The following NUP205 variants were observed in gnomAD, a reference collection of about 807,000 sequenced individuals.
NUP205 encodes the protein nuclear pore complex protein Nup205.
NUP205 carries 76 observed loss-of-function variants against 253.8 expected under a neutral mutation model. The observed-to-expected ratio is 0.30, with a 90% CI of 0.25 to 0.36. The LOEUF (loss-of-function observed/expected upper bound fraction) is 0.36, where lower values mean the gene tolerates loss of function less well. NUP205 is among the 10% of genes least tolerant of loss of function. The pLI is 1.00. For missense variants in NUP205, 2,162 were observed against 2,425.5 expected (o/e 0.89, Z 2.28); for synonymous variants, 832 against 850.1 (o/e 0.98, Z 0.37).
intron 12 of NUP205, 96 bp from the exon 13 acceptor site, chr7:135,594,451 A>G (rs1266622978): frequency 1.1e-6 from 1 of 888,344 alleles, no homozygotes; most frequent in Non-Finnish European, 1.7e-6. Flanking sequence ...TAAGCCCATG[A>G]GGACTCAGTA....
chr7:135,632,665 C>G (rs1424212501), intron 35 of NUP205, among the ~76,000 whole-genome samples: 1 of 151,914 alleles, frequency 6.6e-6, no homozygotes, highest in Non-Finnish European at 1.5e-5. Context: ...TTCCACCCAG[C>G]CTGTGGTGTG....
At chr7:135,648,211 T>G (rs920726738) in intron 42 of NUP205, among the ~76,000 whole-genome samples, 193 bp from the exon 43 acceptor site, 1 of 152,180 alleles carries the variant, frequency 6.6e-6, no homozygotes, top group Non-Finnish European at 1.5e-5. Context: ...AACATGAGAA[T>G]TAAACCAAAA....
chr7:135,646,175 A>G lies in NUP205; in HGVS notation c.5830A>G (p.Thr1944Ala). 6.2e-7 allele frequency: 1 copy of G among 1,613,590 alleles called. No homozygotes were observed. Among genetic ancestry groups the G allele is most frequent in the Non-Finnish European group, 8.5e-7 (1 of 1,179,512 alleles). The change falls in exon 42 of 43, where the codon ACC becomes GCC. Residue 1944 changes from threonine (T) to alanine (A), a missense_variant. By Grantham distance (58) the Thr-to-Ala change is moderately conservative (BLOSUM62 0). This residue lies in a region of NUP205 where 1,144 missense variants were observed against 1,280.9 expected (regional missense o/e 0.89). Coordinates refer to ENST00000285968, the MANE Select transcript of NUP205 (RefSeq NM_015135.3). ...ATCTCTAGATTCCTTCGCCTCAGAAACCAATCTAGATTTTAGAAGTGGGCT... is the reference window on the plus strand; with the variant it reads ...ATCTCTAGATTCCTTCGCCTCAGAAGCCAATCTAGATTTTAGAAGTGGGCT... The part of the protein sequence containing the change: ...RRLQDSFASE[T>A]NLDFRSGLAI...
At chr7:135,628,165 A>C in intron 34 of NUP205, 54 bp downstream of exon 34, 1 of 1,550,876 alleles carries the variant, frequency 6.4e-7, no homozygotes, top group Non-Finnish European at 8.8e-7. Flanking sequence ...TCATTTTACA[A>C]GTACAGAAAC....
At position 135,574,830 on chromosome 7, in the gene NUP205, T is replaced by C. The variant is rs186210984; in HGVS notation, c.343+1005T>C. ...TATAAGCAGTTTGTTTTAATTATAA[T>C]GGAGGAGCCATTTGAAGAAAATATG... On this transcript the variant is annotated intron_variant, in intron 3 of 42. Coordinates refer to ENST00000285968, the MANE Select transcript of NUP205 (RefSeq NM_015135.3). Among the ~76,000 whole-genome samples the C allele has an allele frequency of 1.4e-4, 22 of 152,326 alleles. No homozygotes were observed. The East Asian group carries it at 4.0e-3, about 28-fold the overall frequency.
intron 9 of NUP205, 61 bp downstream of exon 9, chr7:135,587,752 C>G: frequency 6.5e-7 from 1 of 1,531,322 alleles, no homozygotes; most frequent in Non-Finnish European, 8.8e-7. Context: ...TTTCCCCTAA[C>G]TTTGGAAAAT....
At chr7:135,639,448 G>C (rs1025121402) in intron 38 of NUP205, among the ~76,000 whole-genome samples, 1 of 152,162 alleles carries the variant, frequency 6.6e-6, no homozygotes, top group African/African-American at 2.4e-5. Flanking sequence ...CTAGCACTTT[G>C]AGAGGCCGAG....
chr7:135,558,263 C>A, intron 1 of NUP205: 1 of 455,182 alleles, frequency 2.2e-6, no homozygotes, highest in South Asian at 2.5e-5. Context: ...CCCTCACCCC[C>A]AAGTTTCACT....
rs752341067 is a variant in NUP205 at position 135,573,744 on chromosome 7, G to C, written c.262G>C (p.Glu88Gln). Residue 88 changes from glutamate (E) to glutamine (Q), a missense_variant, in exon 3 of 43, where the codon GAA becomes CAA. Transcript: ENST00000285968. Reference sequence around the variant, plus strand: ...TCAACAGGGAACTCGACTTCTTCCTGAACAGCTCATTAAAGAAGCCTTTAT... The same window carrying C: ...TCAACAGGGAACTCGACTTCTTCCTCAACAGCTCATTAAAGAAGCCTTTAT... Reference protein sequence around the residue: ...QGQQGTRLLPEQLIKEAFILS... With the variant: ...QGQQGTRLLPQQLIKEAFILS... 6.2e-7 allele frequency: 1 copy of C among 1,613,942 alleles called. No individual in the cohort carries two copies. The highest frequency in any genetic ancestry group is 2.2e-5 in the East Asian group (1 of 44,878).
intron 22 of NUP205, 30 bp downstream of exon 22, chr7:135,607,401 G>C: frequency 6.2e-7 from 1 of 1,606,836 alleles, no homozygotes; most frequent in Non-Finnish European, 8.5e-7. Flanking sequence ...TTGTGGTACT[G>C]AATAGAAGAA....
chr7:135,566,472 T>C (rs1805762427), intron 1 of NUP205, among the ~76,000 whole-genome samples: 1 of 152,144 alleles, frequency 6.6e-6, no homozygotes, highest in South Asian at 2.1e-4. Flanking sequence ...TGCTAGAAAT[T>C]TATATGTCGA....
chr7:135,576,613 T>C (rs1205530022), intron 4 of NUP205, among the ~76,000 whole-genome samples, 199 bp downstream of exon 4: 10 of 152,218 alleles, frequency 6.6e-5, no homozygotes, highest in Admixed American at 5.9e-4. Context: ...CGAGGTGCAG[T>C]GGCCCAAATT....
At chr7:135,560,637 C>G (rs1805557945) in intron 1 of NUP205, among the ~76,000 whole-genome samples, 1 of 152,156 alleles carries the variant, frequency 6.6e-6, no homozygotes, top group East Asian at 1.9e-4. Flanking sequence ...ATATAGTATC[C>G]TTATGCAGCC....
At chr7:135,575,012 C>G (rs2129489809) in intron 3 of NUP205, among the ~76,000 whole-genome samples, 1 of 152,304 alleles carries the variant, frequency 6.6e-6, no homozygotes, top group South Asian at 2.1e-4. Flanking sequence ...TCGGAACTTT[C>G]ATTTAACAAA....
chr7:135,623,027 C>T (rs1223135480), intron 31 of NUP205, 102 bp downstream of exon 31: 12 of 1,241,522 alleles, frequency 9.7e-6, no homozygotes, highest in Non-Finnish European at 1.3e-5. Context: ...CCTGTAATCT[C>T]AGTGCTTTCG....
intron 35 of NUP205, chr7:135,635,365 A>G (rs1584689858): frequency 2.9e-6 from 1 of 343,694 alleles, no homozygotes; most frequent in Non-Finnish European, 5.2e-6. Context: ...TTCACTCTGC[A>G]TTTTAGATTG....
chr7:135,620,504 C>A (rs1020698171), intron 30 of NUP205, among the ~76,000 whole-genome samples: 12 of 152,150 alleles, frequency 7.9e-5, no homozygotes, highest in Non-Finnish European at 1.8e-4. Context: ...CCAGCCTGGG[C>A]AACAAGAGTG....
At chr7:135,616,754 T>G in intron 25 of NUP205, 28 bp downstream of exon 25, 1 of 1,379,570 alleles carries the variant, frequency 7.2e-7, no homozygotes, top group South Asian at 1.5e-5. Flanking sequence ...TGTAATAAAT[T>G]TATTTTATAG....
chr7:135,573,335 C>T (rs1033826633), intron 2 of NUP205, among the ~76,000 whole-genome samples: 2 of 151,838 alleles, frequency 1.3e-5, no homozygotes, highest in Admixed American at 1.3e-4. Context: ...ATTTGAAGAC[C>T]TTATTATTTT....
Sources: gnomAD v4.1 joint callset for allele counts (sites outside exome capture counted in the v4.1 genomes callset) on GRCh38, gnomAD v4.1.1 for gene constraint, gnomAD v4.1.1 regional missense constraint, MANE v1.5 for transcripts, NCBI Gene and HGNC (gene_info 2026-07-23, HGNC 2026-07-21) for gene names.